The following FREM1 variants were observed in gnomAD, a reference collection of about 807,000 sequenced individuals.
The protein encoded by FREM1 is FRAS1-related extracellular matrix protein 1.
Under a neutral mutation model 210.1 loss-of-function variants are expected in FREM1, and 220 were observed. That is an observed-to-expected ratio of 1.05 (90% CI 0.94 to 1.17). The LOEUF (loss-of-function observed/expected upper bound fraction) is 1.17. FREM1 is among the 50% of genes most tolerant of loss of function. The pLI is 0.00. For missense variants in FREM1, 3,454 were observed against 2,675.5 expected (o/e 1.29, Z -6.42); for synonymous variants, 1,189 against 980.2 (o/e 1.21, Z -3.98).
intron 10 of FREM1, among the ~76,000 whole-genome samples, chr9:14,831,117 G>C (rs548704478): frequency 6.6e-6 from 1 of 152,150 alleles, no homozygotes. Flanking sequence ...TTGCCATCAC[G>C]TGAGGCTGGG....
rs201217735 is a variant in FREM1 at position 14,868,970 on chromosome 9, G to C, written c.8C>G (p.Ser3Cys). The C allele has an allele frequency of 6.4e-6, 10 of 1,573,574 alleles. No homozygotes were observed. The highest frequency in any genetic ancestry group is 2.3e-5 in the East Asian group (1 of 43,402). Reference protein sequence around the residue: MNSLSWGAANAVL... With the variant: MNCLSWGAANAVL... ...GGCATTCGCAGCCCCCCAACTCAGA[G>C]AGTTCATGCTGACAGGGCCCAACTC... Residue 3 changes from serine to cysteine, a missense_variant, in exon 2 of 37, where the codon TCT (serine) becomes TGT (cysteine). Coordinates refer to ENST00000380880, the MANE Select transcript of FREM1 (RefSeq NM_001379081.2).
intron 1 of FREM1, among the ~76,000 whole-genome samples, chr9:14,901,357 G>A (rs569477585): frequency 1.3e-5 from 2 of 152,240 alleles, no homozygotes; most frequent in East Asian, 3.9e-4. Context: ...TGTTCCTAAT[G>A]TGTCAATTAC....
At chr9:14,764,764 A>T (rs1375899153) in intron 27 of FREM1, among the ~76,000 whole-genome samples, 1 of 152,204 alleles carries the variant, frequency 6.6e-6, no homozygotes. Flanking sequence ...GTCCTGGAGT[A>T]ATAAATATGT....
intron 1 of FREM1, among the ~76,000 whole-genome samples, chr9:14,881,912 A>G (rs922554231): frequency 5.9e-5 from 9 of 152,044 alleles, no homozygotes; most frequent in African/African-American, 1.7e-4. Context: ...GCTTCCCTCC[A>G]TCTTGTTGCC....
At chr9:14,790,033 A>G (rs1056221495) in intron 22 of FREM1, among the ~76,000 whole-genome samples, 14 of 152,192 alleles carry the variant, frequency 9.2e-5, no homozygotes, top group African/African-American at 3.4e-4. Context: ...TTAAGAGTCT[A>G]AAACAGAAAT....
rs763640629 is a variant in FREM1 at position 14,842,400 on chromosome 9, C to T, written c.1654G>A (p.Ala552Thr). ...TTGAAGAAGATGTAGTCATCACTGG[C>T]GTCCACATCTGAAGCTCGCAGCATG... ...GSMLRASDVD[A>T]SDDYIFFNIT... is the part of the protein sequence containing the mutation. Residue 552 changes from alanine (A) to threonine (T), a missense_variant, in exon 9 of 37, where the codon GCC becomes ACC. Ala to Thr is a moderately conservative substitution (Grantham distance 58). Coordinates refer to ENST00000380880, the MANE Select transcript of FREM1 (RefSeq NM_001379081.2). 39 of 1,613,432 alleles carry T rather than the reference C, an allele frequency of 2.4e-5. No individual in the cohort carries two copies. Among genetic ancestry groups the T allele is most frequent in the South Asian group, 7.7e-5 (7 of 91,048 alleles).
intron 35 of FREM1, among the ~76,000 whole-genome samples, chr9:14,740,956 C>A (rs962262079): frequency 1.3e-5 from 2 of 151,934 alleles, no homozygotes; most frequent in Non-Finnish European, 2.9e-5. Flanking sequence ...AAGTAAGAAG[C>A]CACTAAGTAA....
At chr9:14,858,094 A>T (rs943792456) in intron 4 of FREM1, among the ~76,000 whole-genome samples, 4 of 152,164 alleles carry the variant, frequency 2.6e-5, no homozygotes, top group African/African-American at 9.7e-5. Context: ...CCTTTACAGA[A>T]TCAGCTTCCA....
intron 6 of FREM1, among the ~76,000 whole-genome samples, chr9:14,849,497 A>G (rs546733682): frequency 3.3e-5 from 5 of 152,362 alleles, no homozygotes; most frequent in Admixed American, 3.3e-4. Context: ...AGAATGAGGT[A>G]TAACACAGAA....
At chr9:14,795,554 G>A (rs1453795903) in intron 21 of FREM1, among the ~76,000 whole-genome samples, 2 of 152,308 alleles carry the variant, frequency 1.3e-5, no homozygotes, top group Non-Finnish European at 2.9e-5. Context: ...CTATCCACAG[G>A]AGAGAAGGAA....
At chr9:14,824,765 C>T (rs1287001575) in intron 11 of FREM1, 31 bp downstream of exon 11, 1 of 1,525,002 alleles carries the variant, frequency 6.6e-7, no homozygotes, top group Admixed American at 1.8e-5. Context: ...AATCCTAGAA[C>T]TAGTAGCCCA....
intron 6 of FREM1, among the ~76,000 whole-genome samples, chr9:14,850,803 A>G (rs574921828): frequency 6.1e-4 from 93 of 152,350 alleles, no homozygotes; most frequent in Admixed American, 1.3e-3. Context: ...TGATTCAGGA[A>G]GGCTGTCGAA....
At chr9:14,873,775 G>A (rs1833173625) in intron 1 of FREM1, among the ~76,000 whole-genome samples, 1 of 152,010 alleles carries the variant, frequency 6.6e-6, no homozygotes, top group Admixed American at 6.6e-5. Flanking sequence ...GTCAATTTTG[G>A]ATCTTTCCTG....
chr9:14,809,621 C>T (rs1157136411), intron 16 of FREM1, among the ~76,000 whole-genome samples: 1 of 152,114 alleles, frequency 6.6e-6, no homozygotes. Flanking sequence ...AATAAGAGAC[C>T]TCTCACCTAT....
intron 35 of FREM1, among the ~76,000 whole-genome samples, chr9:14,741,686 C>G (rs1441335306): frequency 6.6e-6 from 1 of 152,202 alleles, no homozygotes; most frequent in East Asian, 1.9e-4. Context: ...ACATTTTGTA[C>G]AGAGCATGAG....
chr9:14,875,602 T>G (rs1178523316), intron 1 of FREM1, among the ~76,000 whole-genome samples: 1 of 152,214 alleles, frequency 6.6e-6, no homozygotes, highest in African/African-American at 2.4e-5. Context: ...GTTTTTAACT[T>G]CTTTGCCTTT....
intron 29 of FREM1, among the ~76,000 whole-genome samples, chr9:14,755,087 G>C (rs1844072459): frequency 6.6e-6 from 1 of 152,190 alleles, no homozygotes; most frequent in Non-Finnish European, 1.5e-5. Flanking sequence ...GAGAGGCATG[G>C]AATCGATTCA....
chr9:14,803,411 G>A (rs1276412123), intron 19 of FREM1, among the ~76,000 whole-genome samples: 1 of 141,620 alleles, frequency 7.1e-6, no homozygotes, highest in African/African-American at 2.6e-5. Flanking sequence ...CCAGGCTACA[G>A]TACAGTGGCT....
chr9:14,742,779 A>G (rs1487897308), intron 35 of FREM1, among the ~76,000 whole-genome samples: 1 of 152,174 alleles, frequency 6.6e-6, no homozygotes. Flanking sequence ...GAGAAAAACA[A>G]TTATTAACAC....
Sources: allele counts gnomAD v4.1 joint callset (sites outside exome capture counted in the v4.1 genomes callset), GRCh38; gene constraint gnomAD v4.1.1; transcripts MANE v1.5; gene names NCBI Gene and HGNC (gene_info 2026-07-23, HGNC 2026-07-21).